The following KIF3B variants were observed in gnomAD, a reference collection of about 807,000 sequenced individuals.
KIF3B encodes kinesin family member 3B.
A neutral mutation model predicts 74.3 loss-of-function variants in KIF3B; 38 were observed. The ratio of observed to expected loss-of-function variants is 0.51; its 90% CI spans 0.39 to 0.67. KIF3B has a LOEUF of 0.67. Among genes scored for constraint, KIF3B ranks in the 30% least tolerant of loss-of-function variants. The pLI is 0.00. For synonymous variants in KIF3B, 326 were observed against 342.5 expected, an observed-to-expected ratio of 0.95 and a Z score of 0.53; for missense variants, 649 against 932.0, an observed-to-expected ratio of 0.70 and a Z score of 3.95.
rs2047924157 is a variant in KIF3B at position 32,330,283 on chromosome 20, C to G, written c.2111C>G (p.Ser704Ter). ...DEDEIQVDASSFESTANKKSK... is the reference protein window; with the variant it reads ...DEDEIQVDAS ...GATGAGATACAGGTGGATGCATCATCATTTGAAAGCACTGCAAATAAGAAA... is the reference window on the plus strand; with the variant it reads ...GATGAGATACAGGTGGATGCATCATGATTTGAAAGCACTGCAAATAAGAAA... The change falls in exon 8 of 9, where the codon TCA (serine) becomes TGA (stop). Residue 704 changes from serine (S) to a stop codon, truncating the protein, a stop_gained. Coordinates refer to ENST00000375712, the MANE Select transcript of KIF3B (RefSeq NM_004798.4). LOFTEE classifies it high-confidence loss of function. 1 of 1,614,050 alleles carries G rather than the reference C, an allele frequency of 6.2e-7. No individual in the cohort carries two copies. Among genetic ancestry groups the G allele is most frequent in the Non-Finnish European group, 8.5e-7 (1 of 1,179,970 alleles).
rs1471255192 is a variant in KIF3B, at chr20:32,310,735, G to A, written c.958G>A (p.Ala320Thr). 1 of 1,614,014 alleles carries A rather than the reference G, an allele frequency of 6.2e-7. No homozygotes were observed. Among genetic ancestry groups the A allele is most frequent in the East Asian group, 2.2e-5 (1 of 44,894 alleles). Residue 320 changes from alanine (A) to threonine (T), a missense_variant, in exon 2 of 9, where the codon GCC (alanine) becomes ACC (threonine). Coordinates refer to ENST00000375712, the MANE Select transcript of KIF3B (RefSeq NM_004798.4). This position sits in a 1 kb window ranked among gnomAD's most constrained non-coding sequence, Gnocchi z 6.5. ...TGTGATGGTGGCCAACGTGGGGCCT[G>A]CCTCTTACAACGTAGAAGAGACTCT... is the stretch of plus-strand genomic sequence containing the variant. ...KTVMVANVGP[A>T]SYNVEETLTT...
At chr20:32,297,870 G>A (rs1306800448) in intron 1 of KIF3B, among the ~76,000 whole-genome samples, 1 of 152,072 alleles carries the variant, frequency 6.6e-6, no homozygotes, top group Non-Finnish European at 1.5e-5. Flanking sequence ...CACTTTGGGA[G>A]GCTGAGGCGG....
chr20:32,299,390 TATA>T (rs2047731128), intron 1 of KIF3B, among the ~76,000 whole-genome samples: 1 of 42,692 alleles, frequency 2.3e-5, no homozygotes, highest in Non-Finnish European at 4.2e-5. Flanking sequence ...TATATATATA[TATA>T]TATATATATA....
chr20:32,289,046 A>G (rs1412623004), intron 1 of KIF3B, among the ~76,000 whole-genome samples: 2 of 152,166 alleles, frequency 1.3e-5, no homozygotes, highest in African/African-American at 2.4e-5. Flanking sequence ...TGCAGAGCTG[A>G]ACCAGGTGGA....
At chr20:32,316,960 G>A (rs2047830787) in intron 5 of KIF3B, 86 bp downstream of exon 5, 8 of 1,047,568 alleles carry the variant, frequency 7.6e-6, no homozygotes, top group Non-Finnish European at 8.9e-6. Context: ...CCCTGGCTGG[G>A]CTTGGTGGCC....
chr20:32,318,584 T>C (rs981243615), intron 5 of KIF3B, among the ~76,000 whole-genome samples: 2 of 152,214 alleles, frequency 1.3e-5, no homozygotes, highest in African/African-American at 4.8e-5. Flanking sequence ...CTGGTGTCTT[T>C]TGCTTAGCAT....
intron 1 of KIF3B, among the ~76,000 whole-genome samples, chr20:32,301,439 G>A (rs1014362847): frequency 8.6e-5 from 13 of 151,416 alleles, no homozygotes; most frequent in African/African-American, 3.2e-4. Context: ...GTGTAATGGC[G>A]CGATCTCAGC....
rs549819229 is a variant in KIF3B, at chr20:32,295,957, C to T, written c.-65-13756C>T. Reference sequence around the variant, plus strand: ...TCAGCTCACTGCAACCTCTGCCTCCCGGGTTTGAGTGATTCTTCTGTCTCA... The same window carrying T: ...TCAGCTCACTGCAACCTCTGCCTCCTGGGTTTGAGTGATTCTTCTGTCTCA... On this transcript the variant is annotated intron_variant, in intron 1 of 8. Coordinates refer to ENST00000375712, the MANE Select transcript of KIF3B (RefSeq NM_004798.4). Among the ~76,000 whole-genome samples the T allele has an allele frequency of 2.3e-4, 34 of 150,378 alleles. No homozygotes were observed. The South Asian group carries it at 5.5e-3, about 24-fold the overall frequency.
At chr20:32,329,598 A>G (rs1427117528) in intron 7 of KIF3B, among the ~76,000 whole-genome samples, 1 of 152,130 alleles carries the variant, frequency 6.6e-6, no homozygotes, top group Admixed American at 6.5e-5. Context: ...CTGTTGCTTA[A>G]AGGTCAAGTA....
intron 5 of KIF3B, among the ~76,000 whole-genome samples, chr20:32,319,571 GTTTTGT>G (rs1569205759): frequency 4.4e-5 from 4 of 91,668 alleles, no homozygotes; most frequent in Admixed American, 1.1e-4. Context: ...GTTTTTTTTT[GTTTTGT>G]TTTTGTTTTT....
At chr20:32,322,908 AT>A (rs1569208097) in intron 5 of KIF3B, among the ~76,000 whole-genome samples, 1 of 77,690 alleles carries the variant, frequency 1.3e-5, no homozygotes, top group Non-Finnish European at 2.1e-5. Context: ...ATTCATATAT[AT>A]TTTTATATAT....
intron 3 of KIF3B, 37 bp downstream of exon 3, chr20:32,316,356 G>C: frequency 6.5e-7 from 1 of 1,544,322 alleles, no homozygotes; most frequent in Non-Finnish European, 9.0e-7. Flanking sequence ...AATGGGTGAG[G>C]TAAGGTGTGT....
In KIF3B at chr20:32,332,456, T is replaced by A. The variant is rs940079094; in HGVS notation, c.*1137T>A. On this transcript the variant is annotated 3_prime_UTR_variant, in exon 9 of 9. Coordinates refer to ENST00000375712, the MANE Select transcript of KIF3B (RefSeq NM_004798.4). ...CAGAGAATTCACCGAATCCTAGAACTGTGGCTCCCTCCAGGCAGAGCCTAA... is the reference window on the plus strand; with the variant it reads ...CAGAGAATTCACCGAATCCTAGAACAGTGGCTCCCTCCAGGCAGAGCCTAA... 3 of 152,282 alleles carry A rather than the reference T, an allele frequency of 2.0e-5. No individual in the cohort carries two copies. Among genetic ancestry groups the A allele is most frequent in the Non-Finnish European group, 4.4e-5 (3 of 68,066 alleles). 9.4% of individuals were successfully genotyped at this position (152,282 alleles called of 1,614,324 possible).
At chr20:32,329,263 G>A (rs1250760676) in intron 7 of KIF3B, among the ~76,000 whole-genome samples, 2 of 152,058 alleles carry the variant, frequency 1.3e-5, no homozygotes, top group East Asian at 1.9e-4. Flanking sequence ...GGCTGCTCTC[G>A]AACTCCTGAC....
intron 7 of KIF3B, 28 bp from the exon 8 acceptor site, chr20:32,330,113 C>G (rs780549895): frequency 6.3e-7 from 1 of 1,598,540 alleles, no homozygotes; most frequent in Admixed American, 1.7e-5. Context: ...GGAGGCTAAC[C>G]TAGCTGGTGA....
chr20:32,311,268 G>C, intron 2 of KIF3B, 87 bp downstream of exon 2: 1 of 1,382,936 alleles, frequency 7.2e-7, no homozygotes, highest in Middle Eastern at 2.6e-4. Flanking sequence ...AACCATATGA[G>C]GGATGATGTC....
intron 1 of KIF3B, among the ~76,000 whole-genome samples, chr20:32,304,013 A>G (rs2047757134): frequency 6.6e-6 from 1 of 152,192 alleles, no homozygotes; most frequent in Admixed American, 6.5e-5. Flanking sequence ...TTAGTTTACA[A>G]AGTACTTCCA....
intron 5 of KIF3B, among the ~76,000 whole-genome samples, chr20:32,325,171 G>GT (rs908815583): frequency 6.6e-6 from 1 of 151,974 alleles, no homozygotes; most frequent in Non-Finnish European, 1.5e-5. Context: ...GGGTGATTAT[G>GT]TTTTTTACAT....
At chr20:32,316,721 G>C in intron 4 of KIF3B, 35 bp from the exon 5 acceptor site, 4 of 1,613,522 alleles carry the variant, frequency 2.5e-6, no homozygotes, top group Non-Finnish European at 3.4e-6. Flanking sequence ...CCTTTGGACA[G>C]ACACCCTCCT....
Sources: allele counts gnomAD v4.1 joint callset (sites outside exome capture counted in the v4.1 genomes callset), GRCh38; gene constraint gnomAD v4.1.1; non-coding constraint Gnocchi (gnomAD v3.1); transcripts MANE v1.5; gene names NCBI Gene and HGNC (gene_info 2026-07-23, HGNC 2026-07-21).